Variants in PASK observed in about 807,000 individuals in gnomAD.
The protein encoded by PASK is PAS domain-containing serine/threonine-protein kinase.
Under a neutral mutation model 121.0 loss-of-function variants are expected in PASK, and 110 were observed. The ratio of observed to expected loss-of-function variants is 0.91; its 90% CI spans 0.78 to 1.06. PASK has a LOEUF of 1.06. Among genes scored for constraint, PASK ranks in the 50% least tolerant of loss-of-function variants. PASK has a pLI of 0.00. For missense variants in PASK, 1,643 were observed against 1,702.3 expected (o/e 0.97, Z 0.61); for synonymous variants, 686 against 717.8 (o/e 0.96, Z 0.71).
chr2:241,140,097 G>A (rs1381092051), intron 3 of PASK, 42 bp from the exon 4 acceptor site: 5 of 1,543,940 alleles, frequency 3.2e-6, no homozygotes, highest in Non-Finnish European at 4.5e-6. Flanking sequence ...GACATCCCCA[G>A]CAGCTCCACC....
chr2:241,139,099 C>T (rs1016836364), intron 4 of PASK, among the ~76,000 whole-genome samples: 2 of 152,186 alleles, frequency 1.3e-5, no homozygotes, highest in Non-Finnish European at 2.9e-5. Context: ...TGGTGAATAT[C>T]TTAGTTTTTT....
chr2:241,143,191 G>A lies in PASK; in HGVS notation c.-42-117C>T, dbSNP rs998838860. 2.5e-5 allele frequency: 17 copies of A among 680,950 alleles called. No individual in the cohort carries two copies. In the East Asian group the frequency reaches 3.5e-4, roughly 14 times the overall value. 42.2% of individuals were successfully genotyped at this position (680,950 alleles called of 1,614,324 possible). On this transcript the variant is annotated intron_variant, in intron 1 of 17. Transcript: ENST00000234040. ...CCCCAAAAGACATACACCACCAACC[G>A]CCATCCTGGGTCAGAACCCGCAATG...
At chr2:241,123,783 A>C (rs577376046) in intron 11 of PASK, among the ~76,000 whole-genome samples, 166 bp downstream of exon 11, 1 of 150,824 alleles carries the variant, frequency 6.6e-6, no homozygotes, top group Non-Finnish European at 1.5e-5. Context: ...GCACCATTGC[A>C]CTCCAGCCTG....
At chr2:241,129,815 C>G (rs2066042286) in intron 9 of PASK, among the ~76,000 whole-genome samples, 1 of 152,210 alleles carries the variant, frequency 6.6e-6, no homozygotes, top group Non-Finnish European at 1.5e-5. Context: ...GGACCTCAAC[C>G]CAGGGCAGCC....
chr2:241,113,626 C>T, intron 14 of PASK: 4 of 702,480 alleles, frequency 5.7e-6, no homozygotes, highest in Non-Finnish European at 7.0e-6. Flanking sequence ...ACAGAAATCA[C>T]ACATGAACTT....
At chr2:241,111,134 G>T (rs2065094715) in intron 15 of PASK, among the ~76,000 whole-genome samples, 1 of 152,230 alleles carries the variant, frequency 6.6e-6, no homozygotes, top group African/African-American at 2.4e-5. Context: ...TCTCCCCAAT[G>T]CTGAGGCCCT....
At chr2:241,135,012 GC>G (rs1270590239) in intron 8 of PASK, among the ~76,000 whole-genome samples, 8 of 152,288 alleles carry the variant, frequency 5.3e-5, no homozygotes, top group African/African-American at 1.7e-4. Context: ...GCAGCCAGGG[GC>G]CTGCTCCTTA....
intron 2 of PASK, among the ~76,000 whole-genome samples, chr2:241,141,755 C>T (rs1200202559): frequency 1.3e-5 from 2 of 152,156 alleles, no homozygotes; most frequent in East Asian, 3.9e-4. Context: ...TTCCATTTCT[C>T]TCCCATCCCC....
Position 241,126,262 on chromosome 2 carries a change from G to A in PASK, c.2653C>T (p.Leu885=), listed in dbSNP as rs745848400. The A allele has an allele frequency of 2.5e-6, 4 of 1,614,050 alleles. No individual in the cohort carries two copies. In the East Asian group the frequency reaches 8.9e-5, roughly 36 times the overall value. The change falls in exon 10 of 18, where the codon CTG becomes TTG. Residue 885 remains leucine (L), a synonymous_variant. Transcript: ENST00000234040. ...GCACCCTCCTGGATCTCCCGCTGCA[G>A]GCCAGCAGCCCCGCGCATCACGATC... The part of the protein sequence containing the change: ...PVIVMRGAAG[L]QREIQEGAYS...
chr2:241,149,521 G>T (rs2067182049), upstream of PASK: 1 of 803,530 alleles, frequency 1.2e-6, no homozygotes, highest in East Asian at 2.7e-5. Flanking sequence ...CGATTGACAA[G>T]CTCCACGGAC....
intron 8 of PASK, among the ~76,000 whole-genome samples, chr2:241,134,961 C>A (rs566077337): frequency 6.6e-6 from 1 of 152,308 alleles, no homozygotes; most frequent in South Asian, 2.1e-4. Context: ...ACAGGGCGCA[C>A]CCCCACCCCA....
At chr2:241,120,872 T>C (rs748254389) in intron 12 of PASK, among the ~76,000 whole-genome samples, 13 of 152,196 alleles carry the variant, frequency 8.5e-5, no homozygotes, top group Non-Finnish European at 1.5e-4. Context: ...TTATATACAA[T>C]TGTTCATAGA....
At position 241,143,074 on chromosome 2, in the gene PASK, A is replaced by G. The variant is rs775849507; in HGVS notation, c.-42T>C. On this transcript the variant is annotated splice_region_variant and 5_prime_UTR_variant, in exon 2 of 18. Transcript: ENST00000234040. ...AACTGCCAAGCTTCCAACTCTAACA[A>G]CTAGAAAACAACATGAAGCTGATTA... is the stretch of plus-strand genomic sequence containing the variant. The G allele has an allele frequency of 7.1e-7, 1 of 1,410,160 alleles. No individual in the cohort carries two copies. Among genetic ancestry groups the G allele is most frequent in the South Asian group, 1.2e-5 (1 of 86,794 alleles). The allele number at this position is 1,410,160 out of a possible 1,614,324, so 87.4% of individuals were successfully genotyped here. A position where few individuals can be genotyped will look rare whatever the true frequency, so the allele number is the denominator to read the frequency against.
intron 12 of PASK, among the ~76,000 whole-genome samples, chr2:241,117,371 T>C (rs2065418981): frequency 6.6e-6 from 1 of 152,116 alleles, no homozygotes; most frequent in Admixed American, 6.5e-5. Flanking sequence ...TGCTGAGATG[T>C]GGCAGAGCTC....
upstream of PASK, chr2:241,149,653 G>T: frequency 6.5e-7 from 1 of 1,542,092 alleles, no homozygotes; most frequent in South Asian, 1.2e-5. Flanking sequence ...AATAATGGGC[G>T]CCTCCGCCCC....
chr2:241,142,664 A>G (rs1020295474), intron 2 of PASK, among the ~76,000 whole-genome samples, 173 bp downstream of exon 2: 20 of 152,214 alleles, frequency 1.3e-4, no homozygotes, highest in African/African-American at 4.8e-4. Flanking sequence ...AAGCAGCAGG[A>G]AGGGTCCTGC....
chr2:241,141,014 G>T, intron 2 of PASK: 1 of 523,372 alleles, frequency 1.9e-6, no homozygotes, highest in East Asian at 3.5e-5. Context: ...TCAAAGCCAG[G>T]CGTGCCTATA....
chr2:241,129,912 C>T (rs1330728526), intron 9 of PASK, among the ~76,000 whole-genome samples: 1 of 152,234 alleles, frequency 6.6e-6, no homozygotes, highest in Non-Finnish European at 1.5e-5. Context: ...CTGAGCACAT[C>T]ACCTGGGGTC....
In PASK at chr2:241,127,122, T is replaced by C. The variant is rs747787560; in HGVS notation, c.1793A>G (p.Lys598Arg). Residue 598 changes from lysine (K) to arginine (R), a missense_variant, in exon 10 of 18, where the codon AAG (lysine) becomes AGG (arginine). This residue lies in a region of PASK where 1,176 missense variants were observed against 1,162.2 expected (regional missense o/e 1.01). Coordinates refer to ENST00000234040, the MANE Select transcript of PASK (RefSeq NM_015148.4). The stretch of plus-strand genomic sequence containing the variant: ...GAGGCTGCCCCCCGCCAGCTGACCC[T>C]TGGCCTGGGGCTTGGCCACGGCAGC... Reference protein sequence around the residue: ...AGAAVAKPQAKGQLAGGSLLM... With the variant: ...AGAAVAKPQARGQLAGGSLLM... The C allele has an allele frequency of 1.9e-6, 3 of 1,614,042 alleles. No homozygotes were observed. The highest frequency in any genetic ancestry group is 8.5e-7 in the Non-Finnish European group (1 of 1,179,990).
Sources: gnomAD v4.1 joint callset for allele counts (sites outside exome capture counted in the v4.1 genomes callset) on GRCh38, gnomAD v4.1.1 for gene constraint, gnomAD v4.1.1 regional missense constraint, MANE v1.5 for transcripts, NCBI Gene and HGNC (gene_info 2026-07-23, HGNC 2026-07-21) for gene names.